The following TNIK variants were observed in gnomAD, a reference collection of about 807,000 sequenced individuals.
TNIK encodes the protein TRAF2 and NCK interacting kinase.
In TNIK, 49 loss-of-function variants were observed where a neutral mutation model predicts 191.3. The ratio of observed to expected loss-of-function variants is 0.26; its 90% CI spans 0.20 to 0.32. The LOEUF is 0.32. Among genes scored for constraint, TNIK ranks in the 10% least tolerant of loss-of-function variants. TNIK has a pLI of 1.00. For synonymous variants in TNIK, 594 were observed against 600.9 expected (o/e 0.99, Z 0.17); for missense variants, 1,155 against 1,702.3 (o/e 0.68, Z 5.66).
intron 1 of TNIK, among the ~76,000 whole-genome samples, chr3:171,434,112 T>C (rs1457406589): frequency 6.6e-6 from 1 of 151,782 alleles, no homozygotes; most frequent in Non-Finnish European, 1.5e-5. Context: ...TATTTTGTAT[T>C]TTTAGTAGAG....
At chr3:171,067,284 A>T (rs73879279) in intron 30 of TNIK, among the ~76,000 whole-genome samples, 5,163 of 152,102 alleles carry the variant, frequency 0.034, 258 homozygotes, top group African/African-American at 0.11. Flanking sequence ...GTGAAAAAAA[A>T]ATATATATAT....
chr3:171,378,647 C>G (rs935997490), intron 1 of TNIK, among the ~76,000 whole-genome samples: 1 of 152,140 alleles, frequency 6.6e-6, no homozygotes, highest in Non-Finnish European at 1.5e-5. Flanking sequence ...CTGGATGGAG[C>G]AAGTCCTCAC....
chr3:171,278,798 A>G (rs769219743), intron 2 of TNIK, among the ~76,000 whole-genome samples: 7 of 152,234 alleles, frequency 4.6e-5, no homozygotes, highest in Non-Finnish European at 1.0e-4. Flanking sequence ...CTTGACTGTC[A>G]AAAGAACTTA....
intron 2 of TNIK, among the ~76,000 whole-genome samples, chr3:171,309,359 C>A (rs986924127): frequency 6.6e-6 from 1 of 151,968 alleles, no homozygotes; most frequent in Non-Finnish European, 1.5e-5. Flanking sequence ...ATTGAGTACA[C>A]CTGGACACAA....
intron 3 of TNIK, among the ~76,000 whole-genome samples, chr3:171,218,927 A>G (rs952404029): frequency 2.3e-5 from 3 of 132,858 alleles, no homozygotes; most frequent in African/African-American, 8.5e-5. Flanking sequence ...ATATTTTTAT[A>G]TGTTTTATAT....
At chr3:171,077,782 CAT>C (rs1720157233) in intron 28 of TNIK, among the ~76,000 whole-genome samples, 1 of 149,078 alleles carries the variant, frequency 6.7e-6, no homozygotes, top group Non-Finnish European at 1.5e-5. Context: ...TCTCTCTCTA[CAT>C]ATGTATATAC....
chr3:171,404,582 G>A (rs1184238597), intron 1 of TNIK, among the ~76,000 whole-genome samples: 2 of 151,708 alleles, frequency 1.3e-5, no homozygotes, highest in Admixed American at 1.3e-4. Flanking sequence ...ATCCCTGCCA[G>A]CCTTCAGTCA....
intron 18 of TNIK, among the ~76,000 whole-genome samples, chr3:171,121,920 G>C (rs1323845864): frequency 6.6e-6 from 1 of 151,930 alleles, no homozygotes; most frequent in Admixed American, 6.6e-5. Flanking sequence ...TTATAGGAAG[G>C]AACTATGACC....
intron 21 of TNIK, among the ~76,000 whole-genome samples, chr3:171,105,033 A>G (rs1724533613): frequency 1.3e-5 from 2 of 149,640 alleles, no homozygotes; most frequent in Non-Finnish European, 1.5e-5. Flanking sequence ...AAAATCTCAT[A>G]TTCCATTAGA....
At chr3:171,097,644 G>A (rs937854606) in intron 22 of TNIK, among the ~76,000 whole-genome samples, 2 of 152,198 alleles carry the variant, frequency 1.3e-5, no homozygotes, top group African/African-American at 4.8e-5. Context: ...TGTAAGACAT[G>A]CCTTTGCTCC....
At chr3:171,346,870 T>C (rs977028887) in intron 2 of TNIK, 1 of 297,494 alleles carries the variant, frequency 3.4e-6, no homozygotes, top group African/African-American at 2.2e-5. Flanking sequence ...CTGGGCCTTG[T>C]AGGCTAAGTT....
intron 3 of TNIK, among the ~76,000 whole-genome samples, chr3:171,227,095 C>T (rs1743055815): frequency 6.6e-6 from 1 of 151,998 alleles, no homozygotes. Context: ...TAGAAAAATC[C>T]CCAGGACAAC....
At chr3:171,265,981 A>G (rs1048141524) in intron 2 of TNIK, among the ~76,000 whole-genome samples, 4 of 152,218 alleles carry the variant, frequency 2.6e-5, no homozygotes, top group Non-Finnish European at 4.4e-5. Flanking sequence ...GGCACCTCCA[A>G]TTCAGATACA....
chr3:171,299,081 A>G (rs11713901), intron 2 of TNIK, among the ~76,000 whole-genome samples: 68,903 of 151,954 alleles, frequency 0.45, 16,324 homozygotes, highest in Non-Finnish European at 0.51. Context: ...AGCTCCTGTG[A>G]GGCGGTTTCT....
At position 171,110,989 on chromosome 3, in the gene TNIK, C is replaced by A; in HGVS notation, c.2121-112G>T. On this transcript the variant is annotated intron_variant, in intron 18 of 32. Coordinates refer to ENST00000436636, the MANE Select transcript of TNIK (RefSeq NM_015028.4). ...AATATGTAAGGAACTCAAAACAGCT[C>A]AATAGCAAGAAAACGAATAACCCAA... 1.9e-6 allele frequency: 2 copies of A among 1,078,586 alleles called. No homozygotes were observed. The highest frequency in any genetic ancestry group is 3.5e-5 in the Admixed American group (1 of 28,686). 66.8% of individuals were successfully genotyped at this position (1,078,586 alleles called of 1,614,324 possible). A position where few individuals can be genotyped will look rare whatever the true frequency, so the allele number is the denominator to read the frequency against.
chr3:171,119,905 A>C (rs1727389954), intron 18 of TNIK, among the ~76,000 whole-genome samples: 1 of 152,166 alleles, frequency 6.6e-6, no homozygotes, highest in Admixed American at 6.5e-5. Context: ...TATGTAACAA[A>C]CCTGCACGTT....
intron 1 of TNIK, among the ~76,000 whole-genome samples, chr3:171,383,981 C>T (rs375357025): frequency 3.9e-5 from 6 of 152,206 alleles, no homozygotes; most frequent in Admixed American, 3.9e-4. Flanking sequence ...GCACACCTCT[C>T]CCCAGGCATC....
chr3:171,381,734 T>C (rs1718054940), intron 1 of TNIK, among the ~76,000 whole-genome samples: 1 of 152,174 alleles, frequency 6.6e-6, no homozygotes, highest in Non-Finnish European at 1.5e-5. Flanking sequence ...TAAGCAGAAT[T>C]ACTGTGTGGG....
intron 1 of TNIK, among the ~76,000 whole-genome samples, chr3:171,457,827 T>C (rs1728948898): frequency 6.6e-6 from 1 of 152,202 alleles, no homozygotes; most frequent in Non-Finnish European, 1.5e-5. Flanking sequence ...CCTAAGCTGA[T>C]AGCCCAGGCC....
Sources: gnomAD v4.1 joint callset for allele counts (sites outside exome capture counted in the v4.1 genomes callset) on GRCh38, gnomAD v4.1.1 for gene constraint, MANE v1.5 for transcripts, NCBI Gene and HGNC (gene_info 2026-07-23, HGNC 2026-07-21) for gene names.